Variants in SCN1A observed in about 807,000 individuals in gnomAD.
SCN1A encodes sodium channel protein type 1 subunit alpha.
SCN1A carries 13 observed loss-of-function variants against 193.7 expected under a neutral mutation model. The observed-to-expected ratio is 0.07, with a 90% CI of 0.04 to 0.11. SCN1A has a LOEUF of 0.11. Ranked by LOEUF, SCN1A falls within the 10% of genes least tolerant of loss-of-function variation. SCN1A has a pLI of 1.00. For missense variants in SCN1A, 1,432 were observed against 2,451.1 expected (o/e 0.58, Z 8.78); for synonymous variants, 781 against 843.6 (o/e 0.93, Z 1.29).
At chr2:166,101,152 A>T (rs1254123090) in intron 2 of SCN1A, among the ~76,000 whole-genome samples, 2 of 149,612 alleles carry the variant, frequency 1.3e-5, no homozygotes, top group African/African-American at 4.9e-5. Context: ...AATGTGGCAC[A>T]TATACACTAT....
At chr2:166,041,873 G>T (rs1354371444) in intron 15 of SCN1A, among the ~76,000 whole-genome samples, 1 of 152,164 alleles carries the variant, frequency 6.6e-6, no homozygotes, top group Admixed American at 6.5e-5. Context: ...TGTGACCCAA[G>T]AATCATCTTT....
chr2:166,003,556 C>G (rs1450988473), intron 23 of SCN1A, among the ~76,000 whole-genome samples: 3 of 150,990 alleles, frequency 2.0e-5, no homozygotes, highest in Admixed American at 6.6e-5. Context: ...GATGTTTTCC[C>G]CCTCTTTACT....
rs540752374 is a variant in SCN1A, at chr2:166,096,647, A to G, written c.-141-18846T>C. Among the ~76,000 whole-genome samples the G allele has an allele frequency of 3.6e-3, 555 of 152,344 alleles. 6 individuals are homozygous for G. Among genetic ancestry groups the G allele is most frequent in the African/African-American group, 0.013 (522 of 41,586 alleles). ...ATGCAAATACCTTCTTAAAGCACAGATAAGTGGTATCCATTATTTTTTTCT... is the reference window on the plus strand; with the variant it reads ...ATGCAAATACCTTCTTAAAGCACAGGTAAGTGGTATCCATTATTTTTTTCT... On this transcript the variant is annotated intron_variant, in intron 2 of 28. Transcript: ENST00000674923.
At position 166,045,220 on chromosome 2, in the gene SCN1A, C is replaced by A. The variant is rs201362569; in HGVS notation, c.1485G>T (p.Lys495Asn). ...EASKLSSKSA[K>N]ERRNRRKKRK... ...TTTTCTTCCTCCGATTTCTTCTTTC[C>A]TTAGCACTCTTGGAACTCAACTTAG... is the stretch of plus-strand genomic sequence containing the variant. Residue 495 changes from lysine (K) to asparagine (N), a missense_variant, in exon 13 of 29, where the codon AAG becomes AAT. Physicochemically the swap from Lys to Asn is moderately conservative, Grantham distance 94. This residue lies in a region of SCN1A where 316 missense variants were observed against 362.1 expected (regional missense o/e 0.87). Transcript: ENST00000674923. 85 of 1,614,004 alleles carry A rather than the reference C, an allele frequency of 5.3e-5. No homozygotes were observed. The highest frequency in any genetic ancestry group is 4.7e-5 in the Non-Finnish European group (56 of 1,180,034).
chr2:166,064,598 T>A (rs1461308867), intron 4 of SCN1A, among the ~76,000 whole-genome samples: 2 of 152,178 alleles, frequency 1.3e-5, no homozygotes, highest in African/African-American at 4.8e-5. Context: ...GAAAGTGATT[T>A]GTTTACAATT....
rs543436497 is a variant in SCN1A at position 166,038,073 on chromosome 2, G to A, written c.2649C>T (p.Ile883=). The stretch of plus-strand genomic sequence containing the variant: ...TTCCCAGAGCCCCCACGGAATTGCC[G>A]ATGATCTTTATTAGCATATTTAACG... ...WPTLNMLIKI[I]GNSVGALGNL... The change falls in exon 18 of 29, where the codon ATC becomes ATT. Residue 883 remains isoleucine, a synonymous_variant. Transcript: ENST00000674923. 1.4e-5 allele frequency: 22 copies of A among 1,614,168 alleles called. No homozygotes were observed. The African/African-American group carries it at 2.4e-4, about 18-fold the overall frequency.
At chr2:166,125,531 G>A (rs186102635) in intron 2 of SCN1A, among the ~76,000 whole-genome samples, 3 of 152,188 alleles carry the variant, frequency 2.0e-5, no homozygotes, top group African/African-American at 4.8e-5. Context: ...TCTCTTCTTC[G>A]TCAGCAATTC....
intron 4 of SCN1A, among the ~76,000 whole-genome samples, chr2:166,067,819 C>T (rs1461475978): frequency 1.3e-5 from 2 of 151,650 alleles, no homozygotes; most frequent in Non-Finnish European, 2.9e-5. Flanking sequence ...TGACCCACCC[C>T]TTGGCAACAC....
intron 24 of SCN1A, among the ~76,000 whole-genome samples, chr2:166,001,580 CT>C (rs1553524272): frequency 1.0e-4 from 15 of 147,686 alleles, no homozygotes; most frequent in Admixed American, 6.8e-5. Context: ...ATTGTACAGT[CT>C]TTTTTTTTTA....
chr2:166,128,702 A>G (rs896591080), upstream of SCN1A, among the ~76,000 whole-genome samples: 8 of 152,312 alleles, frequency 5.3e-5, no homozygotes, highest in Admixed American at 2.0e-4. Flanking sequence ...TTTTACTCCA[A>G]TGTTTTCCCA....
chr2:166,142,037 A>G (rs1692108974), intron 1 of SCN1A, among the ~76,000 whole-genome samples: 1 of 152,184 alleles, frequency 6.6e-6, no homozygotes, highest in Non-Finnish European at 1.5e-5. Context: ...TGAGGCATTT[A>G]TGAGTAGACA....
chr2:166,117,242 C>G (rs1452071702), intron 2 of SCN1A, among the ~76,000 whole-genome samples: 1 of 152,126 alleles, frequency 6.6e-6, no homozygotes, highest in Non-Finnish European at 1.5e-5. Flanking sequence ...GCTTGCAACT[C>G]AAACAACTAC....
At chr2:166,054,574 A>G in intron 7 of SCN1A, 64 bp downstream of exon 7, 1 of 1,541,320 alleles carries the variant, frequency 6.5e-7, no homozygotes, top group Non-Finnish European at 9.0e-7. Context: ...CTATTCTTAA[A>G]AGCATAAGCA....
chr2:166,066,166 A>G (rs1683819556), intron 4 of SCN1A, among the ~76,000 whole-genome samples: 1 of 152,176 alleles, frequency 6.6e-6, no homozygotes, highest in Non-Finnish European at 1.5e-5. Flanking sequence ...AAGGCTGCAG[A>G]GCCCTCAACC....
chr2:166,114,902 T>C (rs888135122), intron 2 of SCN1A, among the ~76,000 whole-genome samples: 5 of 152,186 alleles, frequency 3.3e-5, no homozygotes, highest in Non-Finnish European at 7.4e-5. Flanking sequence ...TTAAAAGCAA[T>C]ATTTTATTAT....
intron 26 of SCN1A, among the ~76,000 whole-genome samples, chr2:165,997,007 A>T (rs1462386765): frequency 6.6e-6 from 1 of 151,464 alleles, no homozygotes; most frequent in East Asian, 1.9e-4. Context: ...ATTCAAAAAC[A>T]GAATGTTTGG....
intron 2 of SCN1A, among the ~76,000 whole-genome samples, chr2:166,103,306 C>G (rs752317939): frequency 2.6e-5 from 4 of 151,952 alleles, no homozygotes; most frequent in African/African-American, 4.8e-5. Flanking sequence ...CAAAATTTAG[C>G]CGGGCATGGT....
chr2:166,119,541 T>C (rs1333033797), intron 2 of SCN1A, among the ~76,000 whole-genome samples: 3 of 152,198 alleles, frequency 2.0e-5, no homozygotes, highest in Non-Finnish European at 4.4e-5. Flanking sequence ...TTGCAAATAG[T>C]AGATGTTTTA....
At chr2:166,028,658 C>T (rs1695131878) in intron 19 of SCN1A, among the ~76,000 whole-genome samples, 1 of 152,046 alleles carries the variant, frequency 6.6e-6, no homozygotes, top group Non-Finnish European at 1.5e-5. Flanking sequence ...TAACGTTTGG[C>T]GTATGCTTAT....
Sources: gnomAD v4.1 joint callset for allele counts (sites outside exome capture counted in the v4.1 genomes callset) on GRCh38, gnomAD v4.1.1 for gene constraint, gnomAD v4.1.1 regional missense constraint, MANE v1.5 for transcripts, NCBI Gene and HGNC (gene_info 2026-07-23, HGNC 2026-07-21) for gene names.